The following EPHA5 variants were observed in gnomAD, a reference collection of about 807,000 sequenced individuals.
EPHA5 encodes the protein ephrin type-A receptor 5.
In EPHA5, 60 loss-of-function variants were observed where a neutral mutation model predicts 105.0. The ratio of observed to expected loss-of-function variants is 0.57; its 90% CI spans 0.46 to 0.71. The LOEUF is 0.71. Among genes scored for constraint, EPHA5 ranks in the 30% least tolerant of loss-of-function variants. The pLI is 0.00. For synonymous variants in EPHA5, 513 were observed against 449.1 expected (o/e 1.14, Z -1.80); for missense variants, 1,218 against 1,274.7 (o/e 0.96, Z 0.68).
intron 2 of EPHA5, among the ~76,000 whole-genome samples, chr4:65,637,907 A>G (rs572891936): frequency 2.4e-3 from 360 of 152,280 alleles, no homozygotes; most frequent in African/African-American, 8.3e-3. Flanking sequence ...GTCTGAGTTT[A>G]CAATGTAATA....
intron 8 of EPHA5, among the ~76,000 whole-genome samples, chr4:65,374,656 G>C (rs1718812124): frequency 6.6e-6 from 1 of 151,850 alleles, no homozygotes; most frequent in African/African-American, 2.4e-5. Context: ...ACAATGGCCA[G>C]TTTTAATGTA....
intron 3 of EPHA5, among the ~76,000 whole-genome samples, chr4:65,498,724 C>A (rs572284228): frequency 6.6e-6 from 1 of 151,606 alleles, no homozygotes; most frequent in African/African-American, 2.4e-5. Context: ...TCTCAGAGAA[C>A]AGGACATGAA....
intron 3 of EPHA5, among the ~76,000 whole-genome samples, chr4:65,559,419 C>T (rs1263586557): frequency 6.6e-6 from 1 of 152,078 alleles, no homozygotes. Flanking sequence ...GAGGACGCTC[C>T]CCATTCCCAT....
At chr4:65,527,506 G>T (rs1735352383) in intron 3 of EPHA5, among the ~76,000 whole-genome samples, 1 of 152,086 alleles carries the variant, frequency 6.6e-6, no homozygotes, top group Non-Finnish European at 1.5e-5. Context: ...GACAGAATAA[G>T]AAGTAGAGTC....
chr4:65,637,437 C>G (rs990068867), intron 2 of EPHA5, among the ~76,000 whole-genome samples: 3 of 151,362 alleles, frequency 2.0e-5, no homozygotes, highest in Non-Finnish European at 4.4e-5. Flanking sequence ...ACTATTCAAG[C>G]TATGAAAGGC....
intron 3 of EPHA5, among the ~76,000 whole-genome samples, chr4:65,521,804 C>G (rs564543973): frequency 2.6e-5 from 4 of 151,852 alleles, no homozygotes; most frequent in Admixed American, 6.6e-5. Flanking sequence ...ATCCAGCTAC[C>G]ATTCCCACCC....
intron 5 of EPHA5, among the ~76,000 whole-genome samples, chr4:65,447,951 T>G (rs1466992634): frequency 6.6e-6 from 1 of 152,092 alleles, no homozygotes; most frequent in African/African-American, 2.4e-5. Flanking sequence ...ACATAAGATT[T>G]AAAGACACAA....
intron 3 of EPHA5, among the ~76,000 whole-genome samples, chr4:65,498,971 TCAA>T (rs1732220148): frequency 1.5e-5 from 2 of 134,086 alleles, no homozygotes; most frequent in East Asian, 2.0e-4. Context: ...ATTTCCAACA[TCAA>T]CAGGATTTTC....
intron 3 of EPHA5, among the ~76,000 whole-genome samples, chr4:65,561,721 C>T (rs1356011579): frequency 6.6e-6 from 1 of 151,948 alleles, no homozygotes; most frequent in Non-Finnish European, 1.5e-5. Flanking sequence ...ATACTAAAAG[C>T]CAAATACATA....
chr4:65,467,401 A>C (rs1265198143), intron 5 of EPHA5, among the ~76,000 whole-genome samples: 1 of 152,182 alleles, frequency 6.6e-6, no homozygotes, highest in African/African-American at 2.4e-5. Flanking sequence ...TTAAGGGTGG[A>C]ATACTTGGAT....
chr4:65,331,068 A>G, intron 16 of EPHA5: 1 of 1,043,442 alleles, frequency 9.6e-7, no homozygotes, highest in Non-Finnish European at 1.2e-6. Flanking sequence ...CATGTGTACA[A>G]ATAAAATAAC....
rs954148650 is a variant in EPHA5 at position 65,508,547 on chromosome 4, T to TA, written c.911-13005dup. ...ACAAATTATATTCCCTTTCATAAAATAAAAAAGTACAATTAACTATGTGCT... is the reference window on the plus strand; with the variant it reads ...ACAAATTATATTCCCTTTCATAAAATAAAAAAAGTACAATTAACTATGTGCT... On this transcript the variant is annotated intron_variant, in intron 3 of 16. Coordinates refer to ENST00000613740, the MANE Select transcript of EPHA5 (RefSeq NM_001281766.3). Among the ~76,000 whole-genome samples, 6 of 152,198 alleles carry TA rather than the reference T, an allele frequency of 3.9e-5. No homozygotes were observed. The East Asian group carries it at 7.7e-4, about 20-fold the overall frequency.
chr4:65,338,980 CAAAGT>C (rs1043303211), intron 14 of EPHA5, among the ~76,000 whole-genome samples: 1 of 151,852 alleles, frequency 6.6e-6, no homozygotes, highest in African/African-American at 2.4e-5. Flanking sequence ...CTGAGATGAA[CAAAGT>C]AAAGAAAAGA....
At chr4:65,656,543 T>C (rs190483178) in intron 1 of EPHA5, among the ~76,000 whole-genome samples, 130 of 148,764 alleles carry the variant, frequency 8.7e-4, no homozygotes, top group African/African-American at 2.7e-3. Flanking sequence ...GCATACTATT[T>C]ATATGTAGTA....
intron 2 of EPHA5, among the ~76,000 whole-genome samples, chr4:65,609,774 A>G (rs1744590899): frequency 6.6e-6 from 1 of 152,196 alleles, no homozygotes; most frequent in South Asian, 2.1e-4. Context: ...AAAGTAGCAT[A>G]TCAGATAAAA....
At chr4:65,492,988 G>GTT (rs5858963) in intron 4 of EPHA5, among the ~76,000 whole-genome samples, 1,933 of 148,990 alleles carry the variant, frequency 0.013, 30 homozygotes, top group African/African-American at 0.036. Context: ...GTTTTGTTTT[G>GTT]TTTTGTTTTT....
rs916814000 is a variant in EPHA5, at chr4:65,322,083, A to G, written c.*2031T>C. 9.3e-5 allele frequency: 21 copies of G among 225,714 alleles called. No individual in the cohort carries two copies. The highest frequency in any genetic ancestry group is 4.0e-4 in the African/African-American group (18 of 44,934). The allele number at this position is 225,714 out of a possible 1,614,324, so 14.0% of individuals were successfully genotyped here. On this transcript the variant is annotated 3_prime_UTR_variant, in exon 17 of 17. Transcript: ENST00000613740. ...TTTATGATTTTATCAAGAAAATATT[A>G]AATTCACATCTCTGGAAATTTTACT...
intron 3 of EPHA5, among the ~76,000 whole-genome samples, chr4:65,581,512 T>C (rs1463737155): frequency 6.6e-6 from 1 of 151,768 alleles, no homozygotes; most frequent in African/African-American, 2.4e-5. Flanking sequence ...AGGTGGTATT[T>C]GAAACATGGG....
chr4:65,516,294 A>G (rs192068757), intron 3 of EPHA5, among the ~76,000 whole-genome samples: 94 of 152,312 alleles, frequency 6.2e-4, no homozygotes, highest in African/African-American at 2.2e-3. Context: ...TTCTTACAGT[A>G]GCATAAGCTA....
Sources: gnomAD v4.1 joint callset for allele counts (sites outside exome capture counted in the v4.1 genomes callset) on GRCh38, gnomAD v4.1.1 for gene constraint, MANE v1.5 for transcripts, NCBI Gene and HGNC (gene_info 2026-07-23, HGNC 2026-07-21) for gene names.